The following MCTP2 variants were observed in gnomAD, a reference collection of about 807,000 sequenced individuals.
The protein encoded by MCTP2 is multiple C2 and transmembrane domain-containing protein 2.
In MCTP2, 132 loss-of-function variants were observed where a neutral mutation model predicts 111.6. That is an observed-to-expected ratio of 1.18 (90% CI 1.03 to 1.37). The LOEUF is 1.37. Ranked by LOEUF, MCTP2 falls within the 40% of genes most tolerant of loss-of-function variation. The probability of loss-of-function intolerance (pLI) is 0.00; values close to 1 mark genes in which losing one functional copy is unlikely to be tolerated. For missense variants in MCTP2, 1,183 were observed against 1,067.9 expected, an observed-to-expected ratio of 1.11 and a Z score of -1.50; for synonymous variants, 395 against 387.7, an observed-to-expected ratio of 1.02 and a Z score of -0.22.
intron 20 of MCTP2, among the ~76,000 whole-genome samples, chr15:94,461,575 C>G (rs986307175): frequency 6.6e-6 from 1 of 152,110 alleles, no homozygotes; most frequent in Non-Finnish European, 1.5e-5. Context: ...AGGGCTCTAA[C>G]TCTTGTGTCC....
intron 4 of MCTP2, among the ~76,000 whole-genome samples, chr15:94,325,811 G>GTTTTTTTTTTT (rs1567428361): frequency 3.4e-5 from 3 of 89,264 alleles, no homozygotes; most frequent in Admixed American, 1.4e-4. Flanking sequence ...CCATCGCTCC[G>GTTTTTTTTTTT]ATTTTTTTTT....
intron 1 of MCTP2, among the ~76,000 whole-genome samples, chr15:94,260,497 C>G (rs6416597): frequency 6.6e-6 from 1 of 152,112 alleles, no homozygotes; most frequent in African/African-American, 2.4e-5. Flanking sequence ...TGTGGGCAGA[C>G]AGTAAATGGG....
chr15:94,305,721 A>G (rs553354988), intron 2 of MCTP2, among the ~76,000 whole-genome samples: 1 of 152,324 alleles, frequency 6.6e-6, no homozygotes, highest in Admixed American at 6.5e-5. Flanking sequence ...AGGCTTGGAA[A>G]GCCATAAGAA....
At chr15:94,288,779 A>G (rs775488640) in intron 1 of MCTP2, among the ~76,000 whole-genome samples, 1 of 152,230 alleles carries the variant, frequency 6.6e-6, no homozygotes, top group Non-Finnish European at 1.5e-5. Flanking sequence ...CTTGAAATAA[A>G]AGATAGAAAC....
intron 12 of MCTP2, 62 bp from the exon 13 acceptor site, chr15:94,383,960 C>T: frequency 8.4e-7 from 1 of 1,196,298 alleles, no homozygotes; most frequent in South Asian, 1.2e-5. Flanking sequence ...CTCTTGTTCA[C>T]ATTGCCCTTG....
At chr15:94,443,351 C>T (rs1165801018) in intron 19 of MCTP2, among the ~76,000 whole-genome samples, 1 of 152,206 alleles carries the variant, frequency 6.6e-6, no homozygotes, top group African/African-American at 2.4e-5. Context: ...CCGCGCCTGT[C>T]ATTTTCCCAG....
chr15:94,301,645 A>G (rs768043226), intron 2 of MCTP2, among the ~76,000 whole-genome samples: 43 of 152,192 alleles, frequency 2.8e-4, no homozygotes, highest in Non-Finnish European at 5.3e-4. Context: ...GTGTGCATTC[A>G]GGTTACTTGG....
rs778799241 is a variant in MCTP2, at chr15:94,298,750, C to G, written c.465+20C>G. Reference sequence around the variant, plus strand: ...CCAGAGGTGAGAATAGGGCTGGGCTCTCTTTTTTTTTGTCTCTCTCTCTCT... The same window carrying G: ...CCAGAGGTGAGAATAGGGCTGGGCTGTCTTTTTTTTTGTCTCTCTCTCTCT... On this transcript the variant is annotated intron_variant, in intron 2 of 22. Transcript: ENST00000357742. 1.1e-5 allele frequency: 17 copies of G among 1,503,062 alleles called. No individual in the cohort carries two copies. The highest frequency in any genetic ancestry group is 1.5e-5 in the Non-Finnish European group (17 of 1,123,860). 93.1% of individuals were successfully genotyped at this position (1,503,062 alleles called of 1,614,324 possible). A position where few individuals can be genotyped will look rare whatever the true frequency, so the allele number is the denominator to read the frequency against.
At chr15:94,342,746 A>G (rs2077723477) in intron 7 of MCTP2, 1 of 151,064 alleles carries the variant, frequency 6.6e-6, no homozygotes, top group Non-Finnish European at 1.5e-5. Context: ...ATTTATATAT[A>G]CACACACATA....
At chr15:94,277,439 G>T (rs192070087) in intron 1 of MCTP2, among the ~76,000 whole-genome samples, 1 of 152,216 alleles carries the variant, frequency 6.6e-6, no homozygotes, top group East Asian at 1.9e-4. Flanking sequence ...TTCTTCAGTA[G>T]TCAAATGGAT....
At chr15:94,361,107 T>G (rs1192684930) in intron 10 of MCTP2, among the ~76,000 whole-genome samples, 1 of 142,728 alleles carries the variant, frequency 7.0e-6, no homozygotes, top group African/African-American at 2.6e-5. Context: ...TTTTTTTTTT[T>G]TTTTTTTTTT....
At chr15:94,270,752 G>A (rs1326302852) in intron 1 of MCTP2, among the ~76,000 whole-genome samples, 6 of 152,086 alleles carry the variant, frequency 3.9e-5, no homozygotes, top group African/African-American at 1.5e-4. Context: ...TCATCTAAGG[G>A]GTGTTTTCCT....
intron 14 of MCTP2, among the ~76,000 whole-genome samples, chr15:94,390,761 G>C (rs1219734570): frequency 9.3e-6 from 1 of 107,438 alleles, no homozygotes; most frequent in Non-Finnish European, 1.8e-5. Context: ...ATGGAGTCTT[G>C]CTCTGTTGCC....
Position 94,371,704 on chromosome 15 carries a change from C to A in MCTP2, c.1582+1524C>A, listed in dbSNP as rs529750973. ...TGTGGAAACCCTTTGTTTTTTTTAACCCGCGATGGAGTCCTGCTCTGTCGC... is the reference window on the plus strand; with the variant it reads ...TGTGGAAACCCTTTGTTTTTTTTAAACCGCGATGGAGTCCTGCTCTGTCGC... On this transcript the variant is annotated intron_variant, in intron 12 of 22. Coordinates refer to ENST00000357742, the MANE Select transcript of MCTP2 (RefSeq NM_001385001.1). Among the ~76,000 whole-genome samples, 19 of 151,872 alleles carry A rather than the reference C, an allele frequency of 1.3e-4. No individual in the cohort carries two copies. In the South Asian group the frequency reaches 3.5e-3, roughly 28 times the overall value.
At chr15:94,383,847 C>T (rs1477509046) in intron 12 of MCTP2, among the ~76,000 whole-genome samples, 175 bp from the exon 13 acceptor site, 1 of 152,212 alleles carries the variant, frequency 6.6e-6, no homozygotes, top group African/African-American at 2.4e-5. Flanking sequence ...AGGTACAACA[C>T]TTGTAGCCTC....
Position 94,381,802 on chromosome 15 carries a change from T to C in MCTP2, c.1583-2220T>C, listed in dbSNP as rs2080154140. Among the ~76,000 whole-genome samples, 4 of 152,228 alleles carry C rather than the reference T, an allele frequency of 2.6e-5. No individual in the cohort carries two copies. The South Asian group carries it at 6.2e-4, about 24-fold the overall frequency. On this transcript the variant is annotated intron_variant, in intron 12 of 22. Transcript: ENST00000357742. Reference sequence around the variant, plus strand: ...CTGAAGAGGAAATGGTGTTGTTCTATGTTGGTAGGCTTTTCCCCAGCTAAC... The same window carrying C: ...CTGAAGAGGAAATGGTGTTGTTCTACGTTGGTAGGCTTTTCCCCAGCTAAC...
intron 1 of MCTP2, among the ~76,000 whole-genome samples, chr15:94,239,856 C>T (rs2070811472): frequency 6.6e-6 from 1 of 152,140 alleles, no homozygotes; most frequent in African/African-American, 2.4e-5. Context: ...TATTTATGTG[C>T]CCCCAAATTA....
chr15:94,478,916 G>T (rs779775604), intron 22 of MCTP2, 50 bp from the exon 23 acceptor site: 2 of 1,562,884 alleles, frequency 1.3e-6, no homozygotes, highest in Non-Finnish European at 1.8e-6. Context: ...ACACACTGTG[G>T]CGAGCTAGGG....
At chr15:94,296,482 A>G (rs1229908086) in intron 1 of MCTP2, among the ~76,000 whole-genome samples, 8 of 152,228 alleles carry the variant, frequency 5.3e-5, no homozygotes, top group Admixed American at 5.2e-4. Flanking sequence ...TAGTCCATTC[A>G]GTCCTCACCG....
Sources: gnomAD v4.1 joint callset for allele counts (sites outside exome capture counted in the v4.1 genomes callset) on GRCh38, gnomAD v4.1.1 for gene constraint, MANE v1.5 for transcripts, NCBI Gene and HGNC (gene_info 2026-07-23, HGNC 2026-07-21) for gene names.